Variants in SRD5A2 observed in about 807,000 individuals in gnomAD.
SRD5A2 encodes 3-oxo-5-alpha-steroid 4-dehydrogenase 2.
Under a neutral mutation model 27.4 loss-of-function variants are expected in SRD5A2, and 30 were observed. That is an observed-to-expected ratio of 1.10 (90% CI 0.82 to 1.49). SRD5A2 has a LOEUF of 1.49. SRD5A2 is among the 40% of genes most tolerant of loss of function. The pLI is 0.00. For missense variants in SRD5A2, 348 were observed against 323.4 expected, an observed-to-expected ratio of 1.08 and a Z score of -0.58; for synonymous variants, 141 against 133.6, an observed-to-expected ratio of 1.06 and a Z score of -0.38.
the SRD5A2 span, among the ~76,000 whole-genome samples, chr2:31,658,907 CAAGA>C: frequency 6.6e-6 from 1 of 151,980 alleles, no homozygotes; most frequent in Admixed American, 6.6e-5. Flanking sequence ...GGCAGAGACA[CAAGA>C]AAGAAAGAAA....
rs58489430 is a variant in SRD5A2, at chr2:31,528,767, A to AAAATAAAT, written c.698+532_698+539dup. Among the ~76,000 whole-genome samples the AAAATAAAT allele has an allele frequency of 2.7e-3, 411 of 149,688 alleles. 1 individual carries two copies. Among genetic ancestry groups the AAAATAAAT allele is most frequent in the South Asian group, 8.5e-3 (40 of 4,700 alleles). ...GGCATCAGAGTGAGACTCCAACTCA[A>AAAATAAAT]AAATAAATAAATAAATAAATAAATA... is the stretch of plus-strand genomic sequence containing the variant. On this transcript the variant is annotated intron_variant, in intron 4 of 4. Coordinates refer to ENST00000622030, the MANE Select transcript of SRD5A2 (RefSeq NM_000348.4).
the SRD5A2 span, among the ~76,000 whole-genome samples, chr2:31,642,896 C>A: frequency 6.6e-6 from 1 of 152,102 alleles, no homozygotes; most frequent in East Asian, 1.9e-4. Context: ...GGATTCATCT[C>A]ATAGACATTA....
intron 1 of SRD5A2, among the ~76,000 whole-genome samples, chr2:31,536,126 C>A (rs1666023179): frequency 6.6e-6 from 1 of 152,146 alleles, no homozygotes. Context: ...CATTCACACT[C>A]CAGGAAAGCT....
the SRD5A2 span, among the ~76,000 whole-genome samples, chr2:31,636,662 G>A: frequency 6.6e-6 from 1 of 151,960 alleles, no homozygotes; most frequent in Non-Finnish European, 1.5e-5. Context: ...TACCCATGTT[G>A]ATGAGGGTTT....
chr2:31,661,506 A>G, the SRD5A2 span, among the ~76,000 whole-genome samples: 1 of 152,176 alleles, frequency 6.6e-6, no homozygotes, highest in African/African-American at 2.4e-5. Flanking sequence ...ATATACAACC[A>G]TCTTTGAAAA....
At chr2:31,615,970 T>C in the SRD5A2 span, among the ~76,000 whole-genome samples, 1 of 152,166 alleles carries the variant, frequency 6.6e-6, no homozygotes, top group African/African-American at 2.4e-5. Context: ...TACCAAGCCT[T>C]GGCAGCTTCC....
the SRD5A2 span, among the ~76,000 whole-genome samples, chr2:31,607,455 A>G: frequency 1.3e-5 from 2 of 151,968 alleles, no homozygotes; most frequent in African/African-American, 4.8e-5. Flanking sequence ...CTGATTTCTC[A>G]TCATAAAACC....
intron 1 of SRD5A2, among the ~76,000 whole-genome samples, chr2:31,546,337 G>C (rs1666255007): frequency 6.6e-6 from 1 of 152,104 alleles, no homozygotes; most frequent in East Asian, 1.9e-4. Flanking sequence ...AAGCAATATA[G>C]TACTGGCATA....
chr2:31,536,873 C>A (rs915169343), intron 1 of SRD5A2, among the ~76,000 whole-genome samples: 18 of 152,138 alleles, frequency 1.2e-4, no homozygotes, highest in Non-Finnish European at 2.1e-4. Flanking sequence ...ACTTTAATTA[C>A]CTCCTACACC....
chr2:31,566,903 T>A (rs1266330788), intron 1 of SRD5A2, among the ~76,000 whole-genome samples: 2 of 152,212 alleles, frequency 1.3e-5, no homozygotes, highest in African/African-American at 2.4e-5. Context: ...ACCTAAATTA[T>A]CAGCTATTTA....
At chr2:31,616,276 A>G in the SRD5A2 span, among the ~76,000 whole-genome samples, 1 of 152,196 alleles carries the variant, frequency 6.6e-6, no homozygotes, top group Non-Finnish European at 1.5e-5. Context: ...ACAGAGTCCC[A>G]ACTGGGGCAC....
chr2:31,602,476 T>C, the SRD5A2 span, among the ~76,000 whole-genome samples: 1 of 152,128 alleles, frequency 6.6e-6, no homozygotes, highest in Non-Finnish European at 1.5e-5. Flanking sequence ...AAAATGGTCA[T>C]ACTGCCCAAA....
chr2:31,594,093 C>T, the SRD5A2 span, among the ~76,000 whole-genome samples: 2 of 152,118 alleles, frequency 1.3e-5, no homozygotes, highest in African/African-American at 4.8e-5. Context: ...AATAGAACCT[C>T]CTTAAAGCAT....
At chr2:31,541,322 A>G (rs1205130267) in intron 1 of SRD5A2, among the ~76,000 whole-genome samples, 2 of 151,038 alleles carry the variant, frequency 1.3e-5, no homozygotes, top group Non-Finnish European at 2.9e-5. Flanking sequence ...ACATCATTAA[A>G]TTGAAATACC....
chr2:31,578,939 C>T (rs1246102187), intron 1 of SRD5A2, among the ~76,000 whole-genome samples: 1 of 152,124 alleles, frequency 6.6e-6, no homozygotes, highest in Non-Finnish European at 1.5e-5. Context: ...TGCCAACATA[C>T]AGTAGTTAAT....
the SRD5A2 span, among the ~76,000 whole-genome samples, chr2:31,658,809 A>T: frequency 1.3e-5 from 2 of 152,136 alleles, no homozygotes; most frequent in Admixed American, 6.6e-5. Flanking sequence ...AGCTGGCACC[A>T]TTCCAACTGA....
chr2:31,524,653 G>C lies in SRD5A2; in HGVS notation c.*1543C>G, dbSNP rs900431609. On this transcript the variant is annotated 3_prime_UTR_variant, in exon 5 of 5. Transcript: ENST00000622030. ...ATATGATTGCAATTTGCATTTTTCA[G>C]TAATCTACATCATCCTCAGACCTTT... 8 of 230,528 alleles carry C rather than the reference G, an allele frequency of 3.5e-5. No individual in the cohort carries two copies. The highest frequency in any genetic ancestry group is 6.9e-5 in the Non-Finnish European group (8 of 116,406). 14.3% of individuals were successfully genotyped at this position (230,528 alleles called of 1,614,324 possible).
intron 1 of SRD5A2, among the ~76,000 whole-genome samples, chr2:31,546,844 C>G (rs1001666197): frequency 3.9e-5 from 6 of 152,108 alleles, no homozygotes; most frequent in African/African-American, 1.4e-4. Context: ...CACCTGTAAT[C>G]CCAGCACTTT....
At chr2:31,648,598 C>T in the SRD5A2 span, among the ~76,000 whole-genome samples, 1 of 152,110 alleles carries the variant, frequency 6.6e-6, no homozygotes, top group African/African-American at 2.4e-5. Flanking sequence ...TGTGTTAGTC[C>T]GTGGACCAAC....
Sources: gnomAD v4.1 joint callset for allele counts (sites outside exome capture counted in the v4.1 genomes callset) on GRCh38, gnomAD v4.1.1 for gene constraint, MANE v1.5 for transcripts, NCBI Gene and HGNC (gene_info 2026-07-23, HGNC 2026-07-21) for gene names.